Variants in PPHLN1 observed in about 807,000 individuals in gnomAD.
PPHLN1 encodes periphilin 1.
In PPHLN1, 29 loss-of-function variants were observed where a neutral mutation model predicts 51.3. That is an observed-to-expected ratio of 0.57 (90% CI 0.42 to 0.77). The LOEUF is 0.77. Among genes scored for constraint, PPHLN1 ranks in the 30% least tolerant of loss-of-function variants. The pLI is 0.00. For synonymous variants in PPHLN1, 147 were observed against 147.8 expected, an observed-to-expected ratio of 0.99 and a Z score of 0.04; for missense variants, 436 against 438.4, an observed-to-expected ratio of 0.99 and a Z score of 0.05.
chr12:42,391,892 G>A (rs975672569), intron 7 of PPHLN1, among the ~76,000 whole-genome samples: 4 of 152,034 alleles, frequency 2.6e-5, no homozygotes, highest in South Asian at 2.1e-4. Context: ...TTAACAAGGT[G>A]TAGAAAAACA....
At chr12:42,344,387 G>A (rs1357620525) in intron 2 of PPHLN1, among the ~76,000 whole-genome samples, 1 of 152,076 alleles carries the variant, frequency 6.6e-6, no homozygotes, top group Non-Finnish European at 1.5e-5. Context: ...AGGAGAAATC[G>A]ACTATCAGCT....
intron 9 of PPHLN1, among the ~76,000 whole-genome samples, chr12:42,426,209 CACACACACACACACA>C (rs2081458816): frequency 6.6e-6 from 1 of 150,412 alleles, no homozygotes; most frequent in Non-Finnish European, 1.5e-5. Flanking sequence ...CACACACACA[CACACACACACACACA>C]CACACCCTCA....
chr12:42,436,440 C>T (rs1007067174), intron 9 of PPHLN1, among the ~76,000 whole-genome samples: 3 of 152,170 alleles, frequency 2.0e-5, no homozygotes, highest in African/African-American at 7.2e-5. Context: ...TTCAGAAGTC[C>T]AGACTCATGT....
At chr12:42,367,524 C>T (rs1166320221) in intron 4 of PPHLN1, among the ~76,000 whole-genome samples, 1 of 151,906 alleles carries the variant, frequency 6.6e-6, no homozygotes, top group Non-Finnish European at 1.5e-5. Flanking sequence ...TTCTTTGGCA[C>T]AGTAACTGAT....
At chr12:42,335,812 T>C in intron 1 of PPHLN1, 71 bp from the exon 2 acceptor site, 1 of 721,938 alleles carries the variant, frequency 1.4e-6, no homozygotes, top group Non-Finnish European at 2.1e-6. Context: ...TGGAAAGTAA[T>C]CATTTACTCC....
chr12:42,358,522 C>T (rs2074290351), intron 4 of PPHLN1, among the ~76,000 whole-genome samples: 1 of 152,196 alleles, frequency 6.6e-6, no homozygotes, highest in Non-Finnish European at 1.5e-5. Flanking sequence ...TGCTGAGTAG[C>T]TGGGACCACA....
intron 3 of PPHLN1, among the ~76,000 whole-genome samples, chr12:42,353,524 C>T (rs976499553): frequency 2.0e-5 from 3 of 152,262 alleles, no homozygotes; most frequent in Non-Finnish European, 4.4e-5. Context: ...AGTGTTTTCT[C>T]GTGTTTGTTT....
chr12:42,344,800 C>G (rs976752831), intron 2 of PPHLN1, among the ~76,000 whole-genome samples: 11 of 151,162 alleles, frequency 7.3e-5, no homozygotes, highest in African/African-American at 2.2e-4. Context: ...CCTCTGCCTC[C>G]CAGGCTCAAG....
At chr12:42,413,828 G>A (rs887451032) in intron 9 of PPHLN1, among the ~76,000 whole-genome samples, 3 of 152,144 alleles carry the variant, frequency 2.0e-5, no homozygotes, top group Admixed American at 6.5e-5. Flanking sequence ...CTCCCAAAGT[G>A]CTGGGATTAC....
At chr12:42,345,363 G>A (rs544056239) in intron 2 of PPHLN1, among the ~76,000 whole-genome samples, 1 of 151,778 alleles carries the variant, frequency 6.6e-6, no homozygotes, top group South Asian at 2.1e-4. Flanking sequence ...TTAAGTTTAT[G>A]TGCAAGTTTT....
chr12:42,415,618 T>TTCG (rs2080307790), intron 9 of PPHLN1, among the ~76,000 whole-genome samples: 1 of 152,252 alleles, frequency 6.6e-6, no homozygotes, highest in African/African-American at 2.4e-5. Flanking sequence ...CAGGCTCTGA[T>TTCG]TCGTGGCTCT....
At chr12:42,353,088 CA>C (rs79651957) in intron 3 of PPHLN1, among the ~76,000 whole-genome samples, 126 of 140,444 alleles carry the variant, frequency 9.0e-4, no homozygotes, top group African/African-American at 7.3e-4. Flanking sequence ...GACTTTGTCT[CA>C]AAAAAAAAAA....
At chr12:42,373,765 G>T (rs1247852301) in intron 4 of PPHLN1, among the ~76,000 whole-genome samples, 1 of 152,166 alleles carries the variant, frequency 6.6e-6, no homozygotes, top group East Asian at 1.9e-4. Flanking sequence ...GCTTTGAGTT[G>T]ATGGTATTTC....
chr12:42,367,448 G>A (rs1382583719), intron 4 of PPHLN1, among the ~76,000 whole-genome samples: 2 of 151,524 alleles, frequency 1.3e-5, no homozygotes, highest in African/African-American at 4.9e-5. Context: ...AGACACCATG[G>A]AAAGGTCAAA....
At chr12:42,425,242 G>C (rs2081344837) in intron 9 of PPHLN1, among the ~76,000 whole-genome samples, 1 of 121,074 alleles carries the variant, frequency 8.3e-6, no homozygotes, top group Non-Finnish European at 1.7e-5. Context: ...ACCATGCCTG[G>C]CTAATTTTTT....
chr12:42,345,065 G>A (rs2072092289), intron 2 of PPHLN1, among the ~76,000 whole-genome samples: 2 of 152,044 alleles, frequency 1.3e-5, no homozygotes, highest in African/African-American at 2.4e-5. Flanking sequence ...CATCAACTTG[G>A]TGCTTTTACT....
intron 7 of PPHLN1, among the ~76,000 whole-genome samples, chr12:42,392,834 T>G (rs2077849825): frequency 6.6e-6 from 1 of 151,410 alleles, no homozygotes; most frequent in South Asian, 2.1e-4. Context: ...CAAGCATTAT[T>G]GTGGATACTT....
At chr12:42,426,974 C>G (rs1389810402) in intron 9 of PPHLN1, among the ~76,000 whole-genome samples, 3 of 152,168 alleles carry the variant, frequency 2.0e-5, no homozygotes, top group African/African-American at 7.2e-5. Context: ...TGACAAATTT[C>G]TCTCCTGTTG....
At chr12:42,375,974 A>G (rs951779305) in intron 5 of PPHLN1, among the ~76,000 whole-genome samples, 3 of 152,202 alleles carry the variant, frequency 2.0e-5, no homozygotes, top group African/African-American at 7.2e-5. Context: ...CTCACCAGCT[A>G]ATACCAACTT....
Sources: gnomAD v4.1 joint callset for allele counts (sites outside exome capture counted in the v4.1 genomes callset) on GRCh38, gnomAD v4.1.1 for gene constraint, MANE v1.5 for transcripts, NCBI Gene and HGNC (gene_info 2026-07-23, HGNC 2026-07-21) for gene names.